The following IKZF2 variants were observed in gnomAD, a reference collection of about 807,000 sequenced individuals.
IKZF2 encodes zinc finger protein Helios.
IKZF2 carries 15 observed loss-of-function variants against 49.2 expected under a neutral mutation model. That is an observed-to-expected ratio of 0.30 (90% CI 0.20 to 0.47). The LOEUF (loss-of-function observed/expected upper bound fraction) is 0.47. Ranked by LOEUF, IKZF2 falls within the 20% of genes least tolerant of loss-of-function variation. The pLI is 1.00. For missense variants in IKZF2, 567 were observed against 664.6 expected, an observed-to-expected ratio of 0.85 and a Z score of 1.61; for synonymous variants, 227 against 221.4, an observed-to-expected ratio of 1.03 and a Z score of -0.23.
intron 6 of IKZF2, among the ~76,000 whole-genome samples, chr2:213,032,328 T>A (rs1221478352): frequency 6.6e-6 from 1 of 152,208 alleles, no homozygotes; most frequent in Non-Finnish European, 1.5e-5. Flanking sequence ...ATAAAGTGGG[T>A]CACTCAGATA....
chr2:213,133,687 T>G (rs2060549398), intron 4 of IKZF2, among the ~76,000 whole-genome samples: 1 of 144,774 alleles, frequency 6.9e-6, no homozygotes, highest in African/African-American at 2.6e-5. Context: ...GCGACAAAGA[T>G]AGACTCCGTC....
chr2:213,049,866 G>T lies in IKZF2; in HGVS notation c.421C>A (p.His141Asn). 1 of 1,580,744 alleles carries T rather than the reference G, an allele frequency of 6.3e-7. No individual in the cohort carries two copies. Among genetic ancestry groups the T allele is most frequent in the Non-Finnish European group, 8.6e-7 (1 of 1,160,182 alleles). Residue 141 changes from histidine to asparagine, a missense_variant, in exon 6 of 9, where the codon CAC becomes AAC. By Grantham distance (68) the His-to-Asn change is moderately conservative. This residue lies in a region of IKZF2 where 54 missense variants were observed against 119.9 expected (regional missense o/e 0.45). Transcript: ENST00000434687. ...AAAGAAGCTCCACACTGGTTACAGT[G>T]GAAGGGGCGTTCACCTGCAGTAAGG... Reference protein sequence around the residue: ...KRSHTGERPFHCNQCGASFTQ... With the variant: ...KRSHTGERPFNCNQCGASFTQ...
intron 1 of IKZF2, chr2:213,150,556 G>T: frequency 5.2e-6 from 1 of 192,192 alleles, no homozygotes; most frequent in Non-Finnish European, 1.1e-5. Context: ...CTCAGGAATG[G>T]CACCACGTAC....
Position 213,113,842 on chromosome 2 carries a change from C to G in IKZF2, c.139+33866G>C, listed in dbSNP as rs201300918. 3.9e-5 allele frequency among the ~76,000 whole-genome samples: 6 copies of G among 152,184 alleles called. No homozygotes were observed. The East Asian group carries it at 1.2e-3, about 29-fold the overall frequency. On this transcript the variant is annotated intron_variant, in intron 4 of 8. Transcript: ENST00000434687. ...ATTCTTAAAGTTGGCATCTATTGAG[C>G]AAGGAGGGGCAAGGATACACAAGTT...
chr2:213,007,728 G>C lies in IKZF2; in HGVS notation c.1213C>G (p.Leu405Val). The change falls in exon 9 of 9, where the codon CTG becomes GTG. Residue 405 changes from leucine to valine, a missense_variant. Physicochemically the swap from Leu to Val is conservative, Grantham distance 32 (BLOSUM62 1). Transcript: ENST00000434687. ...CTGCTTTCTGAGTCAGTGGAATCCA[G>C]GCAGCTATTGCTGGGAGAGGCCTCT... ...EREASPSNSC[L>V]DSTDSESSHD... 1 of 1,613,706 alleles carries C rather than the reference G, an allele frequency of 6.2e-7. No homozygotes were observed. Among genetic ancestry groups the C allele is most frequent in the Non-Finnish European group, 8.5e-7 (1 of 1,179,744 alleles).
At chr2:213,052,459 G>A (rs183827226) in intron 5 of IKZF2, among the ~76,000 whole-genome samples, 54 of 152,110 alleles carry the variant, frequency 3.6e-4, no homozygotes, top group Admixed American at 8.5e-4. Context: ...CTTGATAGAT[G>A]CTTTTTACAT....
At chr2:213,125,941 T>A (rs1022043145) in intron 4 of IKZF2, among the ~76,000 whole-genome samples, 1 of 152,114 alleles carries the variant, frequency 6.6e-6, no homozygotes, top group African/African-American at 2.4e-5. Context: ...TACTAGTATA[T>A]ACCAAAAAAT....
At chr2:213,089,715 C>T (rs1011885805) in intron 4 of IKZF2, among the ~76,000 whole-genome samples, 6 of 151,870 alleles carry the variant, frequency 4.0e-5, no homozygotes, top group Non-Finnish European at 8.8e-5. Flanking sequence ...TATTCTGTTA[C>T]GGGGAGAAGG....
intron 4 of IKZF2, among the ~76,000 whole-genome samples, chr2:213,062,261 T>C (rs1316862165): frequency 2.6e-4 from 40 of 151,648 alleles, no homozygotes; most frequent in Non-Finnish European, 4.1e-4. Context: ...TATTAAACTT[T>C]CTACAAGTTA....
intron 4 of IKZF2, among the ~76,000 whole-genome samples, chr2:213,115,403 A>T (rs1411293711): frequency 6.6e-6 from 1 of 152,226 alleles, no homozygotes; most frequent in Non-Finnish European, 1.5e-5. Context: ...ATTTAACCAC[A>T]TAGCGAATAT....
chr2:213,069,700 G>A (rs1020481770), intron 4 of IKZF2, among the ~76,000 whole-genome samples: 3 of 152,182 alleles, frequency 2.0e-5, no homozygotes, highest in African/African-American at 2.4e-5. Context: ...CATTTTATGT[G>A]CCTTCCATTT....
At chr2:213,132,764 T>A (rs2060515401) in intron 4 of IKZF2, among the ~76,000 whole-genome samples, 1 of 152,216 alleles carries the variant, frequency 6.6e-6, no homozygotes, top group Non-Finnish European at 1.5e-5. Flanking sequence ...ATTGCCATCC[T>A]CAAATGAAAT....
intron 6 of IKZF2, among the ~76,000 whole-genome samples, chr2:213,048,611 C>T (rs554100600): frequency 1.1e-3 from 164 of 152,076 alleles, no homozygotes; most frequent in Non-Finnish European, 1.7e-3. Flanking sequence ...TAAGTGAATT[C>T]CTTTAACTCA....
At chr2:213,064,739 C>A (rs62187833) in intron 4 of IKZF2, among the ~76,000 whole-genome samples, 1 of 91,238 alleles carries the variant, frequency 1.1e-5, no homozygotes, top group East Asian at 2.0e-4. Flanking sequence ...ATGTCTTGCA[C>A]ATCTGTTTTT....
chr2:213,065,050 G>A (rs1300624054), intron 4 of IKZF2, among the ~76,000 whole-genome samples: 1 of 151,968 alleles, frequency 6.6e-6, no homozygotes, highest in Non-Finnish European at 1.5e-5. Flanking sequence ...GAGTCTTTTA[G>A]TTACTCATGC....
intron 4 of IKZF2, among the ~76,000 whole-genome samples, chr2:213,133,958 G>A (rs1401514683): frequency 2.6e-5 from 4 of 152,104 alleles, no homozygotes; most frequent in South Asian, 2.1e-4. Context: ...TTTTATTATT[G>A]TTATTTATGG....
chr2:213,141,687 C>T (rs1263646827), intron 4 of IKZF2, among the ~76,000 whole-genome samples: 3 of 151,816 alleles, frequency 2.0e-5, no homozygotes, highest in African/African-American at 7.3e-5. Context: ...CCTCTCATCC[C>T]CCGTAATAAT....
At chr2:213,125,582 A>G (rs1428657442) in intron 4 of IKZF2, among the ~76,000 whole-genome samples, 1 of 152,194 alleles carries the variant, frequency 6.6e-6, no homozygotes, top group East Asian at 1.9e-4. Flanking sequence ...ATTTGGCCAC[A>G]CTTTATCTAC....
chr2:213,147,912 A>T (rs2061137154), intron 3 of IKZF2, 100 bp from the exon 4 acceptor site: 1 of 771,088 alleles, frequency 1.3e-6, no homozygotes, highest in Non-Finnish European at 2.2e-6. Context: ...ATAGCCTTCA[A>T]ACTGTAAGGT....
Sources: allele counts gnomAD v4.1 joint callset (sites outside exome capture counted in the v4.1 genomes callset), GRCh38; gene constraint gnomAD v4.1.1; regional missense constraint gnomAD v4.1.1; transcripts MANE v1.5; gene names NCBI Gene and HGNC (gene_info 2026-07-23, HGNC 2026-07-21).